The following NAV1 variants were observed in gnomAD, a reference collection of about 807,000 sequenced individuals.
NAV1 encodes neuron navigator 1.
NAV1 carries 18 observed loss-of-function variants against 175.2 expected under a neutral mutation model. The ratio of observed to expected loss-of-function variants is 0.10; its 90% CI spans 0.07 to 0.15. NAV1 has a LOEUF of 0.15. Among genes scored for constraint, NAV1 ranks in the 10% least tolerant of loss-of-function variants. The probability of loss-of-function intolerance (pLI) is 1.00; values close to 1 mark genes in which losing one functional copy is unlikely to be tolerated. For missense variants in NAV1, 1,731 were observed against 2,436.6 expected, an observed-to-expected ratio of 0.71 and a Z score of 6.10; for synonymous variants, 897 against 978.7, an observed-to-expected ratio of 0.92 and a Z score of 1.56.
At chr1:201,714,157 C>T (rs576335595) in intron 2 of NAV1, among the ~76,000 whole-genome samples, 5 of 152,306 alleles carry the variant, frequency 3.3e-5, no homozygotes, top group Middle Eastern at 3.4e-3. Context: ...GTGATCCACA[C>T]GCCTTGGCCT....
chr1:201,718,177 C>G lies in NAV1; in HGVS notation c.861-213C>G, dbSNP rs1672215990. On this transcript the variant is annotated intron_variant, in intron 2 of 29. Transcript: ENST00000367296. The surrounding 1 kb of genome is among the most constrained non-coding windows in gnomAD (Gnocchi z 4.8). ...GTATACAGGATTTCTTCCCTAGCCA[C>G]TTAATTAAGATCATTTCCTTTGTCA... Among the ~76,000 whole-genome samples, 1 of 152,210 alleles carries G rather than the reference C, an allele frequency of 6.6e-6. No homozygotes were observed. The highest frequency in any genetic ancestry group is 6.5e-5 in the Admixed American group (1 of 15,286).
exon 5 of NAV1, chr1:201,781,174 G>A (rs373949516): frequency 6.2e-7 from 1 of 1,614,144 alleles, no homozygotes; most frequent in Non-Finnish European, 8.5e-7. Flanking sequence ...GAGCTGTGAT[G>A]ATTCATCCAA....
At chr1:201,651,759 G>A (rs545244622) in intron 1 of NAV1, among the ~76,000 whole-genome samples, 5 of 152,200 alleles carry the variant, frequency 3.3e-5, no homozygotes, top group African/African-American at 9.6e-5. Context: ...GAACTGCCTC[G>A]ATGACCCTAC....
chr1:201,657,669 C>A (rs2785235), intron 1 of NAV1, among the ~76,000 whole-genome samples: 12,341 of 152,192 alleles, frequency 0.081, 1,594 homozygotes, highest in African/African-American at 0.27. Context: ...TTCTCCTGGC[C>A]CATCACTTAA....
At chr1:201,627,421 C>A (rs1668364189) in intron 1 of NAV1, among the ~76,000 whole-genome samples, 1 of 152,020 alleles carries the variant, frequency 6.6e-6, no homozygotes, top group African/African-American at 2.4e-5. Context: ...TACAGGCATG[C>A]ACCACCAAGC....
At chr1:201,771,538 A>G (rs541188342) in intron 3 of NAV1, among the ~76,000 whole-genome samples, 2 of 151,002 alleles carry the variant, frequency 1.3e-5, no homozygotes, top group African/African-American at 2.4e-5. Flanking sequence ...GAACTGACCT[A>G]TAACAGAGCC....
In NAV1 at chr1:201,782,483, A is replaced by G; in HGVS notation, c.1971A>G (p.Pro657=). ...TAGATGTTTCCAACAGTGCAGAGCC[A>G]GGATTCCTGGCTCCTGGAGCCCGTT... The change falls in exon 6 of 30, where the codon CCA becomes CCG. Residue 657 remains proline, a synonymous_variant. Coordinates refer to ENST00000367296, the Ensembl canonical transcript of NAV1. The surrounding 1 kb of genome is among the most constrained non-coding windows in gnomAD (Gnocchi z 5.4). 1.2e-6 allele frequency: 2 copies of G among 1,613,478 alleles called. No homozygotes were observed. Among genetic ancestry groups the G allele is most frequent in the South Asian group, 1.1e-5 (1 of 91,082 alleles).
At chr1:201,567,074 A>G (rs1200536244) in intron 1 of NAV1, among the ~76,000 whole-genome samples, 1 of 125,934 alleles carries the variant, frequency 7.9e-6, no homozygotes, top group Admixed American at 8.4e-5. Flanking sequence ...ATCCCCAGCC[A>G]CCGGAAGACA....
chr1:201,663,152 C>A (rs909483454), intron 1 of NAV1, among the ~76,000 whole-genome samples: 2 of 152,196 alleles, frequency 1.3e-5, no homozygotes, highest in Non-Finnish European at 2.9e-5. Context: ...CGAAGGGGAA[C>A]GGTCTCTGAT....
At chr1:201,615,012 C>T (rs1233373589) in intron 2 of NAV1, among the ~76,000 whole-genome samples, 1 of 152,200 alleles carries the variant, frequency 6.6e-6, no homozygotes, top group East Asian at 1.9e-4. Flanking sequence ...GAGACTTAGA[C>T]AGCAGACAGC....
At chr1:201,714,593 C>G (rs1045685309) in intron 2 of NAV1, among the ~76,000 whole-genome samples, 1 of 152,160 alleles carries the variant, frequency 6.6e-6, no homozygotes, top group African/African-American at 2.4e-5. Context: ...CCTCATAGCC[C>G]CAAGCCCCCA....
intron 2 of NAV1, among the ~76,000 whole-genome samples, chr1:201,597,490 A>C (rs111790327): frequency 6.6e-6 from 1 of 152,218 alleles, no homozygotes; most frequent in South Asian, 2.1e-4. Flanking sequence ...ATAATCTCCT[A>C]ACATGCCCCT....
chr1:201,572,578 C>T (rs1456970381), intron 1 of NAV1, among the ~76,000 whole-genome samples: 1 of 151,880 alleles, frequency 6.6e-6, no homozygotes, highest in Non-Finnish European at 1.5e-5. Flanking sequence ...CCATATTGGC[C>T]AGGCTGGTCT....
At chr1:201,786,610 G>A in intron 9 of NAV1, 33 bp downstream of exon 13, 1 of 1,597,532 alleles carries the variant, frequency 6.3e-7, no homozygotes, top group Non-Finnish European at 8.5e-7. Flanking sequence ...TGTGGCATGG[G>A]GTGAAGCAGG....
At chr1:201,650,116 G>A (rs970686686) in intron 1 of NAV1, among the ~76,000 whole-genome samples, 3 of 152,250 alleles carry the variant, frequency 2.0e-5, no homozygotes, top group Admixed American at 6.5e-5. Flanking sequence ...GGGCGTTAGC[G>A]CCGAGACTCC....
rs554417828 is a variant in NAV1, at chr1:201,812,223, C to T, written c.5025-242C>T. 1.3e-4 allele frequency among the ~76,000 whole-genome samples: 20 copies of T among 152,300 alleles called. No individual in the cohort carries two copies. The highest frequency in any genetic ancestry group is 4.1e-4 in the African/African-American group (17 of 41,560). ...CTAAGCAGAATTAGGATTCTCTGCC[C>T]GCACACGCTGATCTGGGTCAGTGAT... On this transcript the variant is annotated intron_variant, in intron 26 of 29. Coordinates refer to ENST00000367296, the Ensembl canonical transcript of NAV1. The surrounding 1 kb of genome is among the most constrained non-coding windows in gnomAD (Gnocchi z 4.6).
In NAV1 at chr1:201,808,251, A is replaced by T; in HGVS notation, c.3845+102A>T. ...AGACCTTAGACAAGCAGTACTTATT[A>T]CTGACCTCTCCCTGGGCATATGAGA... On this transcript the variant is annotated intron_variant, in intron 18 of 29. Transcript: ENST00000367296. This position sits in a 1 kb window ranked among gnomAD's most constrained non-coding sequence, Gnocchi z 5.5. 7.0e-7 allele frequency: 1 copy of T among 1,432,356 alleles called. No homozygotes were observed. The highest frequency in any genetic ancestry group is 9.6e-7 in the Non-Finnish European group (1 of 1,041,278). The allele number at this position is 1,432,356 out of a possible 1,614,324, so 88.7% of individuals were successfully genotyped here. A position where few individuals can be genotyped will look rare whatever the true frequency, so the allele number is the denominator to read the frequency against.
At chr1:201,710,951 C>G (rs1320718830) in intron 1 of NAV1, among the ~76,000 whole-genome samples, 1 of 152,168 alleles carries the variant, frequency 6.6e-6, no homozygotes, top group African/African-American at 2.4e-5. Context: ...AAAAGCATCA[C>G]CCTGGGCCAG....
chr1:201,602,178 C>T (rs1667534792), intron 2 of NAV1, among the ~76,000 whole-genome samples: 1 of 152,188 alleles, frequency 6.6e-6, no homozygotes, highest in Admixed American at 6.5e-5. Flanking sequence ...TCAAGGCCAC[C>T]TCCTAAAGTC....
Sources: gnomAD v4.1 joint callset for allele counts (sites outside exome capture counted in the v4.1 genomes callset) on GRCh38, gnomAD v4.1.1 for gene constraint, Gnocchi (gnomAD v3.1) non-coding constraint, MANE v1.5 for transcripts, NCBI Gene and HGNC (gene_info 2026-07-23, HGNC 2026-07-21) for gene names.